Variants in PRDM10 observed in about 807,000 individuals in gnomAD.
PRDM10 encodes PR domain zinc finger protein 10.
PRDM10 carries 65 observed loss-of-function variants against 133.1 expected under a neutral mutation model. That is an observed-to-expected ratio of 0.49 (90% confidence interval 0.40 to 0.60). The LOEUF (loss-of-function observed/expected upper bound fraction) is 0.60. Ranked by LOEUF, PRDM10 falls within the 20% of genes least tolerant of loss-of-function variation. The pLI, the probability that PRDM10 is intolerant of heterozygous loss-of-function variation, is 0.00. For synonymous variants in PRDM10, 582 were observed against 580.4 expected (o/e 1.00, Z -0.04); for missense variants, 1,137 against 1,507.1 (o/e 0.75, Z 4.07).
At position 129,905,701 on chromosome 11, in the gene PRDM10, A is replaced by T. The variant is rs1949994619; in HGVS notation, c.3204T>A (p.Phe1068Leu). Residue 1068 changes from phenylalanine to leucine, a missense_variant, in exon 20 of 21, where the codon TTT becomes TTA. This residue lies in a region of PRDM10 where 243 missense variants were observed against 259.2 expected (regional missense o/e 0.94). Transcript: ENST00000360871. ...IQMMTLPPGQ[F>L]VITDSGVATP... ...TTGCCACACCACTGTCTGTAATCACAAACTGACCCGGAGGAAGCGTCATCA... is the reference window on the plus strand; with the variant it reads ...TTGCCACACCACTGTCTGTAATCACTAACTGACCCGGAGGAAGCGTCATCA... 6.2e-7 allele frequency: 1 copy of T among 1,614,100 alleles called. No homozygotes were observed.
At chr11:129,903,339 T>TAATAATAATAATAATAAA (rs1555100917) in intron 20 of PRDM10, among the ~76,000 whole-genome samples, 17 of 137,032 alleles carry the variant, frequency 1.2e-4, no homozygotes, top group African/African-American at 4.1e-4. Flanking sequence ...ATAATAATAA[T>TAATAATAATAATAATAAA]AAATGGTTCC....
At chr11:129,907,817 C>T (rs575907679) in intron 19 of PRDM10, among the ~76,000 whole-genome samples, 12 of 152,182 alleles carry the variant, frequency 7.9e-5, no homozygotes, top group African/African-American at 2.9e-4. Context: ...TGGCTTGGCA[C>T]AGGGGCTCAC....
chr11:129,992,589 AGACTTGATCTCGAGG>A (rs903569012), intron 1 of PRDM10, among the ~76,000 whole-genome samples: 24 of 152,332 alleles, frequency 1.6e-4, no homozygotes, highest in African/African-American at 5.5e-4. Flanking sequence ...TCACCAGGTT[AGACTTGATCTCGAGG>A]GAACCAGAGG....
chr11:129,963,277 A>G (rs6590431), intron 1 of PRDM10, among the ~76,000 whole-genome samples: 27,552 of 151,636 alleles, frequency 0.18, 4,599 homozygotes, highest in East Asian at 0.51. Context: ...GCGTGGTGGC[A>G]CACACCTGTG....
At position 129,944,842 on chromosome 11, in the gene PRDM10, T is replaced by C. The variant is rs1565485565; in HGVS notation, c.691A>G (p.Thr231Ala). The C allele has an allele frequency of 6.2e-7, 1 of 1,614,108 alleles. No homozygotes were observed. The highest frequency in any genetic ancestry group is 8.5e-7 in the Non-Finnish European group (1 of 1,180,028). The part of the protein sequence containing the change: ...VFSKRRIPKR[T>A]QFGPVEGPLV... ...GGCCCCTCCACGGGGCCAAACTGGGTGCGCTTGGGGATGCGCCGCTTGGAG... is the reference window on the plus strand; with the variant it reads ...GGCCCCTCCACGGGGCCAAACTGGGCGCGCTTGGGGATGCGCCGCTTGGAG... Residue 231 changes from threonine (T) to alanine (A), a missense_variant, in exon 6 of 21, where the codon ACC (threonine) becomes GCC (alanine). Around this residue, in one of 6 missense-constraint regions of PRDM10, gnomAD observed 635 missense variants for 835.2 expected, o/e 0.76. Transcript: ENST00000360871.
At chr11:129,990,155 C>T (rs1354402618) in intron 1 of PRDM10, among the ~76,000 whole-genome samples, 2 of 151,822 alleles carry the variant, frequency 1.3e-5, no homozygotes, top group African/African-American at 2.4e-5. Context: ...ACCATCCTGG[C>T]TAACATGGTG....
Position 129,902,212 on chromosome 11 carries a change from A to G in PRDM10, c.*101T>C. ...CAAAACTGTGGTTTCCGAACTCTTG[A>G]GTGAATAATAAATCTTACAAAAGAG... is the stretch of plus-strand genomic sequence containing the variant. On this transcript the variant is annotated 3_prime_UTR_variant, in exon 21 of 21. Transcript: ENST00000360871. 6.9e-7 allele frequency: 1 copy of G among 1,444,544 alleles called. No homozygotes were observed. Among genetic ancestry groups the G allele is most frequent in the Admixed American group, 2.1e-5 (1 of 47,142 alleles). The allele number at this position is 1,444,544 out of a possible 1,614,324, so 89.5% of individuals were successfully genotyped here.
chr11:129,920,200 G>A (rs1056815502), intron 13 of PRDM10, among the ~76,000 whole-genome samples: 9 of 152,002 alleles, frequency 5.9e-5, no homozygotes, highest in Non-Finnish European at 1.2e-4. Context: ...AAATTTCAAA[G>A]CCTAACACAA....
intron 1 of PRDM10, among the ~76,000 whole-genome samples, chr11:129,986,074 G>A (rs925573794): frequency 2.0e-5 from 3 of 151,874 alleles, no homozygotes; most frequent in Non-Finnish European, 4.4e-5. Flanking sequence ...GTGTGGTTCT[G>A]CAACCAGAAT....
intron 2 of PRDM10, among the ~76,000 whole-genome samples, chr11:129,959,224 A>G (rs1484675893): frequency 1.3e-5 from 2 of 152,194 alleles, no homozygotes; most frequent in African/African-American, 4.8e-5. Flanking sequence ...CAGAAATACA[A>G]CAAACTTCCA....
At chr11:129,944,624 G>T in intron 6 of PRDM10, 147 bp downstream of exon 6, 1 of 1,159,204 alleles carries the variant, frequency 8.6e-7, no homozygotes, top group Non-Finnish European at 1.2e-6. Flanking sequence ...TCTTATTAGT[G>T]AGTTTCCATT....
At chr11:129,959,217 A>T (rs1218037531) in intron 2 of PRDM10, among the ~76,000 whole-genome samples, 7 of 152,168 alleles carry the variant, frequency 4.6e-5, no homozygotes, top group Admixed American at 4.6e-4. Flanking sequence ...AACACCACAG[A>T]AATACAACAA....
chr11:129,944,943 T>C lies in PRDM10; in HGVS notation c.590A>G (p.Asn197Ser), dbSNP rs745714596. 7 of 1,613,754 alleles carry C rather than the reference T, an allele frequency of 4.3e-6. No homozygotes were observed. The highest frequency in any genetic ancestry group is 5.9e-6 in the Non-Finnish European group (7 of 1,179,954). ...PKHGPLHPIPNRPVLTRARAS... is the reference protein window; with the variant it reads ...PKHGPLHPIPSRPVLTRARAS... ...CCTGGCCCGGGTGAGCACCGGCCGGTTGGGGATCGGGTGCAAGGGGCCGTG... is the reference window on the plus strand; with the variant it reads ...CCTGGCCCGGGTGAGCACCGGCCGGCTGGGGATCGGGTGCAAGGGGCCGTG... The change falls in exon 6 of 21, where the codon AAC becomes AGC. Residue 197 changes from asparagine (N) to serine (S), a missense_variant. By Grantham distance (46) the Asn-to-Ser change is conservative (BLOSUM62 1). Coordinates refer to ENST00000360871, the MANE Select transcript of PRDM10 (RefSeq NM_199437.2).
chr11:130,001,313 A>C (rs535763231), intron 1 of PRDM10, among the ~76,000 whole-genome samples: 1 of 152,330 alleles, frequency 6.6e-6, no homozygotes, highest in South Asian at 2.1e-4. Context: ...GTAATAATAC[A>C]CCTTCTTGCC....
intron 1 of PRDM10, among the ~76,000 whole-genome samples, chr11:129,975,311 C>G: frequency 6.6e-6 from 1 of 151,822 alleles, no homozygotes; most frequent in Non-Finnish European, 1.5e-5. Flanking sequence ...CCTGTAGTCC[C>G]TACTCGGGAG....
At chr11:129,986,420 A>G (rs1394926504) in intron 1 of PRDM10, among the ~76,000 whole-genome samples, 1 of 151,972 alleles carries the variant, frequency 6.6e-6, no homozygotes, top group African/African-American at 2.4e-5. Flanking sequence ...ACAGGGTCTC[A>G]CTCTGTCGCC....
At chr11:129,982,235 G>A (rs1026383185) in intron 1 of PRDM10, among the ~76,000 whole-genome samples, 3 of 152,008 alleles carry the variant, frequency 2.0e-5, no homozygotes, top group African/African-American at 4.8e-5. Context: ...CTCTCCCTGA[G>A]CAACAGAGCA....
chr11:129,922,366 A>C (rs2135776750), intron 13 of PRDM10, among the ~76,000 whole-genome samples: 1 of 152,334 alleles, frequency 6.6e-6, no homozygotes, highest in Non-Finnish European at 1.5e-5. Flanking sequence ...GAACAGAAAA[A>C]TCCCAGACCT....
chr11:129,919,925 A>C (rs1950472314), intron 13 of PRDM10, among the ~76,000 whole-genome samples: 1 of 151,440 alleles, frequency 6.6e-6, no homozygotes, highest in Non-Finnish European at 1.5e-5. Context: ...TTCCTATCCC[A>C]CCCGCCTTCA....
Sources: allele counts gnomAD v4.1 joint callset (sites outside exome capture counted in the v4.1 genomes callset), GRCh38; gene constraint gnomAD v4.1.1; regional missense constraint gnomAD v4.1.1; transcripts MANE v1.5; gene names NCBI Gene and HGNC (gene_info 2026-07-23, HGNC 2026-07-21).